Variants in GRIK4 observed in about 807,000 individuals in gnomAD.
GRIK4 encodes the protein glutamate receptor ionotropic, kainate 4.
In GRIK4, 40 loss-of-function variants were observed where a neutral mutation model predicts 104.9. That is an observed-to-expected ratio of 0.38 (90% CI 0.30 to 0.50). GRIK4 has a LOEUF of 0.50. GRIK4 is among the 20% of genes least tolerant of loss of function. GRIK4 has a pLI of 0.93. For synonymous variants in GRIK4, 485 were observed against 524.9 expected (o/e 0.92, Z 1.04); for missense variants, 1,047 against 1,308.1 (o/e 0.80, Z 3.08).
chr11:120,562,392 AAGTGTATTTGGG>A (rs1304606650), intron 1 of GRIK4, among the ~76,000 whole-genome samples: 1 of 152,304 alleles, frequency 6.6e-6, no homozygotes, highest in East Asian at 1.9e-4. Flanking sequence ...AGGAGCAGGT[AAGTGTATTTGGG>A]AGGCTAACTT....
chr11:120,604,945 C>T (rs1234932174), intron 1 of GRIK4, among the ~76,000 whole-genome samples: 1 of 152,248 alleles, frequency 6.6e-6, no homozygotes, highest in Non-Finnish European at 1.5e-5. Flanking sequence ...TCACTACAGC[C>T]TCTACCTTTT....
At chr11:120,624,061 G>A (rs1053157708) in intron 1 of GRIK4, among the ~76,000 whole-genome samples, 1 of 151,790 alleles carries the variant, frequency 6.6e-6, no homozygotes, top group Non-Finnish European at 1.5e-5. Flanking sequence ...ATTCTAAGAG[G>A]CTAATGTGAA....
At chr11:120,896,237 T>C (rs1261748593) in intron 11 of GRIK4, among the ~76,000 whole-genome samples, 5 of 152,238 alleles carry the variant, frequency 3.3e-5, no homozygotes, top group African/African-American at 4.8e-5. Context: ...AAGATTCATC[T>C]GGGCTTAAGA....
At chr11:120,817,451 T>A (rs990984624) in intron 5 of GRIK4, among the ~76,000 whole-genome samples, 19 of 152,204 alleles carry the variant, frequency 1.2e-4, no homozygotes, top group Admixed American at 1.2e-3. Flanking sequence ...ATTTTAATGT[T>A]TTATGAGGCT....
chr11:120,777,404 T>C (rs1952064482), intron 3 of GRIK4, among the ~76,000 whole-genome samples: 1 of 152,244 alleles, frequency 6.6e-6, no homozygotes, highest in African/African-American at 2.4e-5. Context: ...CCCAGAAAGA[T>C]GGGGGCTCTC....
chr11:120,635,791 A>G (rs896646585), intron 1 of GRIK4, among the ~76,000 whole-genome samples: 1 of 152,158 alleles, frequency 6.6e-6, no homozygotes, highest in Non-Finnish European at 1.5e-5. Context: ...TTTAGTAAAC[A>G]TTTTCACAAA....
At chr11:120,635,676 A>C (rs560018490) in intron 1 of GRIK4, among the ~76,000 whole-genome samples, 1 of 152,356 alleles carries the variant, frequency 6.6e-6, no homozygotes, top group Admixed American at 6.5e-5. Flanking sequence ...AAAGGGCATG[A>C]GGTCACCAGG....
intron 9 of GRIK4, chr11:120,872,836 G>A (rs113662067): frequency 0.012 from 1,892 of 154,920 alleles, 41 homozygotes; most frequent in African/African-American, 0.042. Context: ...TAGATGGCAC[G>A]TTCCTCAAGG....
rs1304731456 is a variant in GRIK4 at position 120,653,714 on chromosome 11, C to T, written c.-129C>T. 1 of 152,188 alleles carries T rather than the reference C, an allele frequency of 6.6e-6. No individual in the cohort carries two copies. Among genetic ancestry groups the T allele is most frequent in the Admixed American group, 6.5e-5 (1 of 15,280 alleles). The allele number at this position is 152,188 out of a possible 1,614,324, so 9.4% of individuals were successfully genotyped here. On this transcript the variant is annotated 5_prime_UTR_variant, in exon 2 of 21. An upstream open reading frame in the 5' UTR gains an earlier in-frame stop. Coordinates refer to ENST00000527524, the MANE Select transcript of GRIK4 (RefSeq NM_014619.5). Reference sequence around the variant, plus strand: ...TACTTTCTGAGTGCCTACTATGTGCCAGCCTGTGCTAGGCACTGAGGACAC... The same window carrying T: ...TACTTTCTGAGTGCCTACTATGTGCTAGCCTGTGCTAGGCACTGAGGACAC...
At chr11:120,700,566 C>G in intron 3 of GRIK4, among the ~76,000 whole-genome samples, 1 of 152,202 alleles carries the variant, frequency 6.6e-6, no homozygotes, top group Non-Finnish European at 1.5e-5. Flanking sequence ...TCAAGCAATT[C>G]TCCTGCCTCA....
chr11:120,641,442 G>C (rs191094101), intron 1 of GRIK4, among the ~76,000 whole-genome samples: 23 of 152,024 alleles, frequency 1.5e-4, no homozygotes, highest in African/African-American at 4.3e-4. Context: ...ACATGGCTGA[G>C]TATATTTATA....
intron 6 of GRIK4, among the ~76,000 whole-genome samples, chr11:120,824,747 A>G (rs538088907): frequency 6.6e-6 from 1 of 151,332 alleles, no homozygotes; most frequent in South Asian, 2.1e-4. Context: ...GACAGGTTTC[A>G]CCATGTTGGC....
chr11:120,814,711 G>C (rs893211994), intron 4 of GRIK4, among the ~76,000 whole-genome samples: 2 of 152,192 alleles, frequency 1.3e-5, no homozygotes, highest in African/African-American at 4.8e-5. Flanking sequence ...CAGATGCCAG[G>C]CATGCTGGTC....
intron 1 of GRIK4, among the ~76,000 whole-genome samples, chr11:120,528,333 G>A (rs898934906): frequency 6.6e-6 from 1 of 151,932 alleles, no homozygotes; most frequent in Non-Finnish European, 1.5e-5. Context: ...GGATGGTCTT[G>A]ATCTCCTGAC....
chr11:120,928,015 G>A (rs771930464), intron 13 of GRIK4, among the ~76,000 whole-genome samples: 1 of 152,016 alleles, frequency 6.6e-6, no homozygotes, highest in African/African-American at 2.4e-5. Flanking sequence ...GAGTGTGAGA[G>A]ACCAGCCTGG....
intron 3 of GRIK4, among the ~76,000 whole-genome samples, chr11:120,664,334 C>T (rs1949868192): frequency 6.6e-6 from 1 of 152,226 alleles, no homozygotes; most frequent in Admixed American, 6.5e-5. Context: ...ATAATAAACT[C>T]AATGACACAA....
At chr11:120,670,364 A>G (rs1176247577) in intron 3 of GRIK4, among the ~76,000 whole-genome samples, 1 of 152,212 alleles carries the variant, frequency 6.6e-6, no homozygotes, top group African/African-American at 2.4e-5. Context: ...CTGACTTCCC[A>G]TGTCAGAATA....
At chr11:120,562,320 T>C (rs1422277208) in intron 1 of GRIK4, among the ~76,000 whole-genome samples, 2 of 152,204 alleles carry the variant, frequency 1.3e-5, no homozygotes, top group African/African-American at 4.8e-5. Context: ...TGTGAAATAA[T>C]GACGTGTGAA....
chr11:120,715,199 G>A (rs1041964731), intron 3 of GRIK4, among the ~76,000 whole-genome samples: 11 of 152,188 alleles, frequency 7.2e-5, no homozygotes, highest in Non-Finnish European at 1.0e-4. Flanking sequence ...CTTATCTGTG[G>A]AGCAATAATT....
Sources: allele counts gnomAD v4.1 joint callset (sites outside exome capture counted in the v4.1 genomes callset), GRCh38; gene constraint gnomAD v4.1.1; transcripts MANE v1.5; gene names NCBI Gene and HGNC (gene_info 2026-07-23, HGNC 2026-07-21).